Variants in LRRFIP1 observed in about 807,000 individuals in gnomAD.
LRRFIP1 encodes the protein leucine-rich repeat flightless-interacting protein 1.
LRRFIP1 carries 62 observed loss-of-function variants against 104.4 expected under a neutral mutation model. The ratio of observed to expected loss-of-function variants is 0.59; its 90% confidence interval spans 0.48 to 0.73. The LOEUF (loss-of-function observed/expected upper bound fraction) is 0.73. Ranked by LOEUF, LRRFIP1 falls within the 30% of genes least tolerant of loss-of-function variation. The pLI, the probability that LRRFIP1 is intolerant of heterozygous loss-of-function variation, is 0.00. For synonymous variants in LRRFIP1, 300 were observed against 299.0 expected (o/e 1.00, Z -0.03); for missense variants, 796 against 824.5 (o/e 0.97, Z 0.42).
At chr2:237,744,233 C>T (rs577821507) in intron 11 of LRRFIP1, among the ~76,000 whole-genome samples, 129 of 152,324 alleles carry the variant, frequency 8.5e-4, no homozygotes, top group Middle Eastern at 3.4e-3. Flanking sequence ...AGGAAAATTA[C>T]CCTTAAAATG....
chr2:237,769,816 G>A (rs914667309), intron 19 of LRRFIP1, 127 bp from the exon 20 acceptor site: 11 of 743,952 alleles, frequency 1.5e-5, no homozygotes, highest in Middle Eastern at 2.3e-4. Context: ...CTCATTCACC[G>A]TGGTACGTGT....
intron 1 of LRRFIP1, among the ~76,000 whole-genome samples, chr2:237,635,864 C>T (rs1267070083): frequency 2.0e-5 from 3 of 151,954 alleles, no homozygotes; most frequent in Non-Finnish European, 4.4e-5. Context: ...TTTGGGAGGG[C>T]AGTGAGTGGA....
chr2:237,722,439 T>TA (rs570287869), intron 6 of LRRFIP1, among the ~76,000 whole-genome samples: 77 of 152,290 alleles, frequency 5.1e-4, no homozygotes, highest in African/African-American at 1.8e-3. Context: ...GAACGAGTAT[T>TA]ACGGTGTTAT....
chr2:237,769,416 G>C (rs1312544770), intron 19 of LRRFIP1: 1 of 153,782 alleles, frequency 6.5e-6, no homozygotes, highest in African/African-American at 2.4e-5. Context: ...AAGAATAACA[G>C]CTTTGGTAAC....
In LRRFIP1 at chr2:237,766,136, C is replaced by T. The variant is rs892600618; in HGVS notation, c.1460-3807C>T. On this transcript the variant is annotated intron_variant, in intron 19 of 23. Coordinates refer to ENST00000308482, the MANE Select transcript of LRRFIP1 (RefSeq NM_001137550.2). The surrounding 1 kb of genome is among the most constrained non-coding windows in gnomAD (Gnocchi z 4.8). ...ACTGGGAGAACTGAGACGATTGTCA[C>T]GCACCATCCCCTGTGATCTGTGGTT... Among the ~76,000 whole-genome samples the T allele has an allele frequency of 1.3e-5, 2 of 152,150 alleles. No individual in the cohort carries two copies. Among genetic ancestry groups the T allele is most frequent in the Non-Finnish European group, 2.9e-5 (2 of 68,032 alleles).
rs1049952428 is a variant in LRRFIP1 at position 237,781,597 on chromosome 2, G to A, written c.*2065G>A. Among the ~76,000 whole-genome samples, 10 of 152,210 alleles carry A rather than the reference G, an allele frequency of 6.6e-5. No homozygotes were observed. The highest frequency in any genetic ancestry group is 2.4e-4 in the African/African-American group (10 of 41,454). ...CCTAATCCAGAGGAAGCTAGAACAC[G>A]ATTTTTAAATTTATTTAGTAAAATA... On this transcript the variant is annotated 3_prime_UTR_variant, in exon 24 of 24. Coordinates refer to ENST00000308482, the MANE Select transcript of LRRFIP1 (RefSeq NM_001137550.2).
intron 1 of LRRFIP1, among the ~76,000 whole-genome samples, chr2:237,631,929 C>A (rs1389273233): frequency 6.6e-6 from 1 of 152,232 alleles, no homozygotes; most frequent in African/African-American, 2.4e-5. Context: ...GTTTCTGCAG[C>A]CTCCTCTCCA....
intron 1 of LRRFIP1, chr2:237,692,587 C>T: frequency 7.0e-7 from 1 of 1,432,778 alleles, no homozygotes; most frequent in South Asian, 1.4e-5. Flanking sequence ...GCTTCCAGCT[C>T]GTTCCGAGGT....
chr2:237,741,867 T>TA (rs915049498), intron 11 of LRRFIP1, among the ~76,000 whole-genome samples: 3 of 151,238 alleles, frequency 2.0e-5, no homozygotes, highest in African/African-American at 7.3e-5. Flanking sequence ...GAAAAGAAAA[T>TA]ATAAGTATTT....
At chr2:237,718,261 A>C (rs1238886170) in intron 4 of LRRFIP1, among the ~76,000 whole-genome samples, 1 of 152,194 alleles carries the variant, frequency 6.6e-6, no homozygotes, top group Non-Finnish European at 1.5e-5. Context: ...TTCACTCATG[A>C]TTACGACCAG....
chr2:237,744,218 T>C (rs1042425841), intron 11 of LRRFIP1, among the ~76,000 whole-genome samples: 7 of 152,222 alleles, frequency 4.6e-5, no homozygotes, highest in Non-Finnish European at 1.0e-4. Flanking sequence ...ATCATTTAAA[T>C]GTGAAGGAAA....
rs947512614 is a variant in LRRFIP1, at chr2:237,717,669, G to A, written c.202-93G>A. On this transcript the variant is annotated intron_variant, in intron 3 of 23. Transcript: ENST00000308482. This position sits in a 1 kb window ranked among gnomAD's most constrained non-coding sequence, Gnocchi z 4.2. Reference sequence around the variant, plus strand: ...TACCTTCACCACACGGCTGGATGGCGGTTTGGAAATGCATGTCAGAACAGT... The same window carrying A: ...TACCTTCACCACACGGCTGGATGGCAGTTTGGAAATGCATGTCAGAACAGT... The A allele has an allele frequency of 1.5e-5, 14 of 965,320 alleles. No homozygotes were observed. The highest frequency in any genetic ancestry group is 4.8e-5 in the East Asian group (2 of 41,912). 59.8% of individuals were successfully genotyped at this position (965,320 alleles called of 1,614,324 possible).
chr2:237,774,719 A>G (rs1282229095), intron 23 of LRRFIP1, among the ~76,000 whole-genome samples: 2 of 152,246 alleles, frequency 1.3e-5, no homozygotes, highest in Non-Finnish European at 2.9e-5. Context: ...TTGTCCGTAA[A>G]CGTCAAGAGA....
At chr2:237,639,123 C>T (rs186286376) in intron 1 of LRRFIP1, among the ~76,000 whole-genome samples, 1 of 152,298 alleles carries the variant, frequency 6.6e-6, no homozygotes, top group Non-Finnish European at 1.5e-5. Context: ...TGGTGGTGGT[C>T]GTTTGCTACC....
chr2:237,765,373 C>A, intron 19 of LRRFIP1: 1 of 587,084 alleles, frequency 1.7e-6, no homozygotes, highest in Non-Finnish European at 2.1e-6. Context: ...GAGTTCAAGG[C>A]TGCAGTGAGC....
chr2:237,777,036 T>TA (rs58250582), intron 23 of LRRFIP1, among the ~76,000 whole-genome samples: 2 of 151,616 alleles, frequency 1.3e-5, no homozygotes, highest in South Asian at 2.1e-4. Flanking sequence ...TTATTTAACT[T>TA]AAAAAAAAAT....
rs1258103201 is a variant in LRRFIP1 at position 237,691,067 on chromosome 2, C to T, written c.97-17477C>T. Among the ~76,000 whole-genome samples the T allele has an allele frequency of 3.3e-5, 5 of 151,626 alleles. No homozygotes were observed. The highest frequency in any genetic ancestry group is 3.9e-4 in the East Asian group (2 of 5,190). The stretch of plus-strand genomic sequence containing the variant: ...CTGAAGCCCTGGGCCCGGGTCACGG[C>T]GGGAAGGTGAGTGCTCACAGGCGCG... On this transcript the variant is annotated intron_variant, in intron 1 of 23. Coordinates refer to ENST00000308482, the MANE Select transcript of LRRFIP1 (RefSeq NM_001137550.2). The surrounding 1 kb of genome is among the most constrained non-coding windows in gnomAD (Gnocchi z 5.4).
At chr2:237,727,355 CAAAA>C (rs35562237) in intron 7 of LRRFIP1, among the ~76,000 whole-genome samples, 1,875 of 84,716 alleles carry the variant, frequency 0.022, 22 homozygotes, top group African/African-American at 0.072. Context: ...GACTCTGTCT[CAAAA>C]AAAAAAAAAA....
chr2:237,641,286 C>T (rs933434531), intron 1 of LRRFIP1, among the ~76,000 whole-genome samples: 5 of 151,326 alleles, frequency 3.3e-5, no homozygotes, highest in African/African-American at 4.9e-5. Context: ...CCAAGGCAAC[C>T]GAGTCACCTG....
Sources: gnomAD v4.1 joint callset for allele counts (sites outside exome capture counted in the v4.1 genomes callset) on GRCh38, gnomAD v4.1.1 for gene constraint, Gnocchi (gnomAD v3.1) non-coding constraint, MANE v1.5 for transcripts, NCBI Gene and HGNC (gene_info 2026-07-23, HGNC 2026-07-21) for gene names.